Variants in CBFB observed in about 807,000 individuals in gnomAD.
The protein encoded by CBFB is CBF-beta.
Under a neutral mutation model 30.4 loss-of-function variants are expected in CBFB, and 9 were observed. The observed-to-expected ratio is 0.30, with a 90% CI of 0.18 to 0.52. CBFB has a LOEUF of 0.52. Among genes scored for constraint, CBFB ranks in the 20% least tolerant of loss-of-function variants. The pLI is 0.97. For missense variants in CBFB, 170 were observed against 244.0 expected, an observed-to-expected ratio of 0.70 and a Z score of 2.02; for synonymous variants, 94 against 84.0, an observed-to-expected ratio of 1.12 and a Z score of -0.65.
chr16:67,060,239 A>C (rs1567613419), intron 3 of CBFB, among the ~76,000 whole-genome samples: 2 of 152,088 alleles, frequency 1.3e-5, no homozygotes, highest in Non-Finnish European at 2.9e-5. Flanking sequence ...GTATGCTAAG[A>C]TTACAAGCGT....
Position 67,099,979 on chromosome 16 carries a change from G to T in CBFB, c.*1201G>T, listed in dbSNP as rs1342832058. ...AAAAACGTTCACAGTTATATATATG[G>T]TATTTTGCAAAAGGACTATTAATAG... On this transcript the variant is annotated 3_prime_UTR_variant, in exon 6 of 6. Coordinates refer to ENST00000412916, the MANE Select transcript of CBFB (RefSeq NM_022845.3). The T allele has an allele frequency of 9.6e-6, 2 of 207,640 alleles. No individual in the cohort carries two copies. Among genetic ancestry groups the T allele is most frequent in the Admixed American group, 5.9e-5 (1 of 16,822 alleles). 12.9% of individuals were successfully genotyped at this position (207,640 alleles called of 1,614,324 possible). A position where few individuals can be genotyped will look rare whatever the true frequency, so the allele number is the denominator to read the frequency against.
intron 5 of CBFB, among the ~76,000 whole-genome samples, chr16:67,090,562 G>A (rs905915294): frequency 6.6e-6 from 1 of 152,192 alleles, no homozygotes; most frequent in Non-Finnish European, 1.5e-5. Flanking sequence ...ATAGCAACTT[G>A]TACACTAGTC....
intron 4 of CBFB, among the ~76,000 whole-genome samples, chr16:67,073,935 A>C (rs551506184): frequency 4.6e-5 from 7 of 151,986 alleles, no homozygotes; most frequent in Non-Finnish European, 8.8e-5. Flanking sequence ...AAGCTGAGGC[A>C]GGAGAATGGC....
At chr16:67,036,001 A>G (rs964838691) in intron 2 of CBFB, among the ~76,000 whole-genome samples, 2 of 152,110 alleles carry the variant, frequency 1.3e-5, no homozygotes, top group Admixed American at 1.3e-4. Flanking sequence ...TAATCTATAA[A>G]TATTTATTAG....
rs57996932 is a variant in CBFB, at chr16:67,069,981, C to G, written c.399+3183C>G. ...TCAAGCCTAAGTGACAGAGTGAGTC[C>G]CTGTCTCTTTAAAAACAAAGAAAAT... On this transcript the variant is annotated intron_variant, in intron 4 of 5. Transcript: ENST00000412916. Among the ~76,000 whole-genome samples, 1,451 of 152,054 alleles carry G rather than the reference C, an allele frequency of 9.5e-3. 24 individuals carry two copies. The highest frequency in any genetic ancestry group is 0.032 in the African/African-American group (1,344 of 41,466).
chr16:67,070,284 G>A (rs923319926), intron 4 of CBFB, among the ~76,000 whole-genome samples: 2 of 152,118 alleles, frequency 1.3e-5, no homozygotes, highest in Admixed American at 6.6e-5. Context: ...CATGCCTGTA[G>A]TCCTAGCTAC....
In CBFB at chr16:67,067,535, C is replaced by T. The variant is rs376406859; in HGVS notation, c.399+737C>T. On this transcript the variant is annotated intron_variant, in intron 4 of 5. Transcript: ENST00000412916. ...TCTGTCTCAAAAACAACAACAACAA[C>T]GAACAACACCCATTTAAGGCCTCAT... is the stretch of plus-strand genomic sequence containing the variant. Among the ~76,000 whole-genome samples, 25 of 152,140 alleles carry T rather than the reference C, an allele frequency of 1.6e-4. No homozygotes were observed. The East Asian group carries it at 2.1e-3, about 13-fold the overall frequency.
At chr16:67,048,885 A>G (rs1597131901) in intron 3 of CBFB, among the ~76,000 whole-genome samples, 1 of 127,834 alleles carries the variant, frequency 7.8e-6, no homozygotes, top group African/African-American at 3.1e-5. Flanking sequence ...CAATGGCGCC[A>G]TCTCAGCTCA....
chr16:67,091,616 G>A (rs1266820328), intron 5 of CBFB, among the ~76,000 whole-genome samples: 1 of 152,120 alleles, frequency 6.6e-6, no homozygotes, highest in Non-Finnish European at 1.5e-5. Context: ...GTTTTCCTTA[G>A]GTTGCATACT....
chr16:67,031,330 A>G (rs1287978532), intron 2 of CBFB, among the ~76,000 whole-genome samples: 4 of 152,202 alleles, frequency 2.6e-5, no homozygotes, highest in African/African-American at 9.7e-5. Flanking sequence ...CATAAGACAT[A>G]CTTTTAGGTT....
intron 4 of CBFB, among the ~76,000 whole-genome samples, chr16:67,070,675 C>A (rs1961194656): frequency 6.6e-6 from 1 of 151,420 alleles, no homozygotes; most frequent in Non-Finnish European, 1.5e-5. Context: ...TGTGGCAAAA[C>A]CCTGTCTCTA....
intron 5 of CBFB, among the ~76,000 whole-genome samples, chr16:67,090,287 T>TA (rs1961847472): frequency 6.6e-6 from 1 of 152,198 alleles, no homozygotes; most frequent in African/African-American, 2.4e-5. Context: ...TGTACTTGTA[T>TA]AAAAAGAAGG....
At chr16:67,071,746 TG>T (rs1166219663) in intron 4 of CBFB, among the ~76,000 whole-genome samples, 2 of 152,190 alleles carry the variant, frequency 1.3e-5, no homozygotes, top group Non-Finnish European at 2.9e-5. Flanking sequence ...TAAAGGGCTG[TG>T]CCTAGCACAG....
In CBFB at chr16:67,100,425, C is replaced by G. The variant is rs1023350962; in HGVS notation, c.*1647C>G. 4.5e-6 allele frequency: 1 copy of G among 224,554 alleles called. No homozygotes were observed. Among genetic ancestry groups the G allele is most frequent in the Middle Eastern group, 1.4e-3 (1 of 734 alleles). 13.9% of individuals were successfully genotyped at this position (224,554 alleles called of 1,614,324 possible). A position where few individuals can be genotyped will look rare whatever the true frequency, so the allele number is the denominator to read the frequency against. ...GGAAAGGAGTGTGTTTAAATTGTTA[C>G]AAACAATAATGCGTCATTAAAGGCC... On this transcript the variant is annotated 3_prime_UTR_variant, in exon 6 of 6. Coordinates refer to ENST00000412916, the MANE Select transcript of CBFB (RefSeq NM_022845.3).
intron 5 of CBFB, among the ~76,000 whole-genome samples, 191 bp downstream of exon 5, chr16:67,082,499 T>C (rs1275336905): frequency 3.3e-5 from 5 of 152,246 alleles, no homozygotes; most frequent in Admixed American, 2.6e-4. Context: ...AATTTTAAAG[T>C]TGTACATCAA....
At chr16:67,053,049 G>A (rs1378084672) in intron 3 of CBFB, among the ~76,000 whole-genome samples, 1 of 150,662 alleles carries the variant, frequency 6.6e-6, no homozygotes, top group Non-Finnish European at 1.5e-5. Flanking sequence ...AAACTTTACA[G>A]TTCTTTTCCT....
At chr16:67,084,078 G>C (rs1342247125) in intron 5 of CBFB, among the ~76,000 whole-genome samples, 1 of 144,630 alleles carries the variant, frequency 6.9e-6, no homozygotes, top group African/African-American at 2.5e-5. Flanking sequence ...GAAGCAGGGG[G>C]ATAGCTTGAG....
chr16:67,090,050 G>A (rs995067530), intron 5 of CBFB, among the ~76,000 whole-genome samples: 2 of 152,070 alleles, frequency 1.3e-5, no homozygotes. Flanking sequence ...TTTTTTGTTT[G>A]GTTGGTTGGT....
chr16:67,092,837 C>T (rs2950867), intron 5 of CBFB, among the ~76,000 whole-genome samples: 4,550 of 150,638 alleles, frequency 0.03, 108 homozygotes, highest in Non-Finnish European at 0.045. Flanking sequence ...CTCAGCCTCC[C>T]GAGTAGCTGG....
Sources: allele counts gnomAD v4.1 joint callset (sites outside exome capture counted in the v4.1 genomes callset), GRCh38; gene constraint gnomAD v4.1.1; transcripts MANE v1.5; gene names NCBI Gene and HGNC (gene_info 2026-07-23, HGNC 2026-07-21).